Variants in CHLSN observed in about 807,000 individuals in gnomAD.
CHLSN encodes the protein protein cholesin.
At chr7:1,016,655 A>ATGC in the CHLSN span, among the ~76,000 whole-genome samples, 3 of 66,926 alleles carry the variant, frequency 4.5e-5, no homozygotes, top group African/African-American at 2.0e-4. Context: ...ACAGCAGCAC[A>ATGC]CAGCAGCGCA....
chr7:1,009,485 G>A, the CHLSN span, among the ~76,000 whole-genome samples: 5 of 152,058 alleles, frequency 3.3e-5, no homozygotes, highest in African/African-American at 1.2e-4. Flanking sequence ...ACCCAGCCAC[G>A]CCGCAGGCAG....
the CHLSN span, among the ~76,000 whole-genome samples, chr7:1,035,846 G>A: frequency 1.3e-5 from 2 of 152,260 alleles, no homozygotes; most frequent in Admixed American, 6.5e-5. Flanking sequence ...CAGATATTTC[G>A]AGCAGTTTTA....
chr7:1,022,986 C>A, the CHLSN span: 2 of 470,124 alleles, frequency 4.3e-6, no homozygotes, highest in East Asian at 6.7e-5. Context: ...CACAGGCAGG[C>A]ACACGTGAGC....
At chr7:1,040,959 C>T in the CHLSN span, among the ~76,000 whole-genome samples, 1 of 152,276 alleles carries the variant, frequency 6.6e-6, no homozygotes, top group Admixed American at 6.5e-5. Context: ...GCCGGGCCTC[C>T]AGCTGACAGT....
chr7:1,023,624 AACACACACACACACAC>A, the CHLSN span, among the ~76,000 whole-genome samples: 4,749 of 122,342 alleles, frequency 0.039, 139 homozygotes, highest in Admixed American at 0.091. The surrounding 1 kb of genome is among the most constrained non-coding windows in gnomAD (Gnocchi z 5.0). Context: ...CCTCCCAGGA[AACACACACACACACAC>A]ACACACACAC....
At chr7:1,028,708 C>T in the CHLSN span, 1 of 686,358 alleles carries the variant, frequency 1.5e-6, no homozygotes, top group Non-Finnish European at 1.8e-6. Context: ...CCTCCATTAT[C>T]CTCTCATCTC....
chr7:1,099,712 C>G, the CHLSN span, among the ~76,000 whole-genome samples: 1 of 152,238 alleles, frequency 6.6e-6, no homozygotes, highest in Non-Finnish European at 1.5e-5. Flanking sequence ...GTTGCCAGGG[C>G]TGGGTCAGGC....
chr7:1,096,907 C>T, the CHLSN span, among the ~76,000 whole-genome samples: 1 of 152,162 alleles, frequency 6.6e-6, no homozygotes, highest in Admixed American at 6.5e-5. The surrounding 1 kb of genome is among the most constrained non-coding windows in gnomAD (Gnocchi z 4.6). Flanking sequence ...TACAAAGAAA[C>T]CTTCTTAGGA....
the CHLSN span, among the ~76,000 whole-genome samples, chr7:1,038,849 C>T: frequency 4.7e-5 from 3 of 64,192 alleles, no homozygotes; most frequent in South Asian, 6.0e-4. Context: ...GTCAGCCCCC[C>T]GCCTGGCCAG....
chr7:988,946 C>T, the CHLSN span: 3 of 633,348 alleles, frequency 4.7e-6, no homozygotes, highest in South Asian at 2.0e-5. Context: ...CCCACCCTCA[C>T]CCCCACCCCC....
the CHLSN span, chr7:1,028,302 G>A: frequency 2.9e-6 from 3 of 1,052,084 alleles, no homozygotes; most frequent in Non-Finnish European, 1.2e-6. Context: ...CGGCGCCGGG[G>A]CAGGGATGCG....
At chr7:997,760 C>A in the CHLSN span, 1 of 1,610,200 alleles carries the variant, frequency 6.2e-7, no homozygotes, top group Non-Finnish European at 8.5e-7. Flanking sequence ...GGCCCTGCAG[C>A]CCCTCCAGGT....
the CHLSN span, among the ~76,000 whole-genome samples, chr7:1,047,194 A>C: frequency 6.6e-6 from 1 of 152,250 alleles, no homozygotes; most frequent in Non-Finnish European, 1.5e-5. Context: ...CCATAGCTGC[A>C]GGCACAGGTG....
the CHLSN span, among the ~76,000 whole-genome samples, chr7:1,048,052 G>A: frequency 2.0e-5 from 3 of 152,142 alleles, no homozygotes; most frequent in African/African-American, 7.2e-5. Flanking sequence ...AAGACTGGCG[G>A]AGGGGTGTGG....
the CHLSN span, among the ~76,000 whole-genome samples, chr7:1,136,294 A>ACCCC: frequency 8.4e-6 from 1 of 118,362 alleles, no homozygotes; most frequent in Non-Finnish European, 1.6e-5. Context: ...ATAAATATAT[A>ACCCC]TAAACATATA....
At chr7:1,127,517 A>C in the CHLSN span, 8 of 926,796 alleles carry the variant, frequency 8.6e-6, no homozygotes, top group African/African-American at 3.4e-5. Flanking sequence ...AACATATAAA[A>C]GTTAAAATAA....
the CHLSN span, among the ~76,000 whole-genome samples, chr7:1,041,541 G>A: frequency 1.3e-5 from 2 of 152,344 alleles, no homozygotes; most frequent in South Asian, 2.1e-4. Flanking sequence ...CATGCACAGA[G>A]TGTCAGATGA....
the CHLSN span, among the ~76,000 whole-genome samples, chr7:1,016,119 G>A: frequency 1.1e-5 from 1 of 92,376 alleles, no homozygotes; most frequent in Non-Finnish European, 2.1e-5. Flanking sequence ...GCGCACAGCA[G>A]CACACAGCAG....
the CHLSN span, among the ~76,000 whole-genome samples, chr7:1,042,084 C>A: frequency 2.0e-5 from 3 of 151,786 alleles, no homozygotes; most frequent in Admixed American, 6.6e-5. Flanking sequence ...GCAACACACA[C>A]GGCACACAGG....
Sources: gnomAD v4.1 joint callset for allele counts (sites outside exome capture counted in the v4.1 genomes callset) on GRCh38, gnomAD v4.1.1 for gene constraint, Gnocchi (gnomAD v3.1) non-coding constraint, MANE v1.5 for transcripts, NCBI Gene and HGNC (gene_info 2026-07-23, HGNC 2026-07-21) for gene names.